CYTH4: variants seen among roughly 807,000 people sequenced by gnomAD.
CYTH4 encodes the protein cytohesin-4.
A neutral mutation model predicts 57.5 loss-of-function variants in CYTH4; 22 were observed. The observed-to-expected ratio is 0.38, with a 90% CI of 0.27 to 0.55. The LOEUF (loss-of-function observed/expected upper bound fraction) is 0.55, where lower values mean the gene tolerates loss of function less well. CYTH4 is among the 20% of genes least tolerant of loss of function. The pLI is 0.74. For synonymous variants in CYTH4, 186 were observed against 206.5 expected, an observed-to-expected ratio of 0.90 and a Z score of 0.85; for missense variants, 420 against 535.6, an observed-to-expected ratio of 0.78 and a Z score of 2.13.
At chr22:37,285,033 C>G (rs1601694377) in intron 1 of CYTH4, among the ~76,000 whole-genome samples, 2 of 152,208 alleles carry the variant, frequency 1.3e-5, no homozygotes, top group Admixed American at 1.3e-4. Flanking sequence ...ACCCACACCC[C>G]CTCTGCCCCA....
intron 1 of CYTH4, among the ~76,000 whole-genome samples, chr22:37,289,956 C>A (rs575956613): frequency 1.4e-4 from 21 of 152,296 alleles, no homozygotes; most frequent in Non-Finnish European, 2.9e-4. Context: ...ACCTGCCATT[C>A]CCCTCAGGAT....
chr22:37,299,263 G>A lies in CYTH4; in HGVS notation c.391G>A (p.Asp131Asn). ...INLQVLQAFV[D>N]CHEFANLNLV... ...CCTGCAGGTCCTCCAGGCCTTCGTG[G>A]ACTGCCACGAGTTCGCCAACCTCAA... The change falls in exon 6 of 13, where the codon GAC becomes AAC. Residue 131 changes from aspartate (D) to asparagine (N), a missense_variant. Asp to Asn is a conservative substitution (Grantham distance 23). Coordinates refer to ENST00000248901, the MANE Select transcript of CYTH4 (RefSeq NM_013385.5). 1.2e-6 allele frequency: 2 copies of A among 1,614,124 alleles called. No individual in the cohort carries two copies. Among genetic ancestry groups the A allele is most frequent in the Non-Finnish European group, 1.7e-6 (2 of 1,180,016 alleles).
In CYTH4 at chr22:37,311,670, C is replaced by T. The variant is rs1929649228; in HGVS notation, c.957+143C>T. Reference sequence around the variant, plus strand: ...CTTCCCTGTGGCTCAGGGCTGCCTTCTCTCCCTCCTGGGGCCATGGACAGT... The same window carrying T: ...CTTCCCTGTGGCTCAGGGCTGCCTTTTCTCCCTCCTGGGGCCATGGACAGT... On this transcript the variant is annotated intron_variant, in intron 11 of 12. Transcript: ENST00000248901. The surrounding 1 kb of genome is among the most constrained non-coding windows in gnomAD (Gnocchi z 4.4). The T allele has an allele frequency of 2.4e-6, 2 of 823,142 alleles. No individual in the cohort carries two copies. The highest frequency in any genetic ancestry group is 3.9e-6 in the Non-Finnish European group (2 of 509,164). The allele number at this position is 823,142 out of a possible 1,614,324, so 51.0% of individuals were successfully genotyped here.
intron 6 of CYTH4, chr22:37,300,402 A>G: frequency 1.7e-6 from 1 of 599,568 alleles, no homozygotes; most frequent in East Asian, 2.9e-5. Flanking sequence ...GAGAAGTGAG[A>G]GATACAGGCC....
rs1929262509 is a variant in CYTH4, at chr22:37,303,357, C to T, written c.651C>T (p.Asn217=). The T allele has an allele frequency of 1.9e-6, 3 of 1,614,170 alleles. No individual in the cohort carries two copies. The highest frequency in any genetic ancestry group is 1.3e-5 in the African/African-American group (1 of 75,060). The change falls in exon 8 of 13, where the codon AAC becomes AAT. Residue 217 remains asparagine, a synonymous_variant. Coordinates refer to ENST00000248901, the MANE Select transcript of CYTH4 (RefSeq NM_013385.5). ...RPPFERFVSM[N]RGINNGSDLP... Reference sequence around the variant, plus strand: ...CTTTTGAGCGCTTTGTGTCCATGAACCGCGGCATCAACAATGGTAGCGACC... The same window carrying T: ...CTTTTGAGCGCTTTGTGTCCATGAATCGCGGCATCAACAATGGTAGCGACC...
At chr22:37,303,549 T>A (rs189647704) in intron 8 of CYTH4, 147 bp downstream of exon 8, 443 of 1,206,174 alleles carry the variant, frequency 3.7e-4, no homozygotes, top group Admixed American at 1.0e-3. Flanking sequence ...TGTGACTGTC[T>A]TGAGAGGCAC....
intron 6 of CYTH4, 97 bp downstream of exon 6, chr22:37,299,403 G>C (rs1367578186): frequency 1.8e-6 from 2 of 1,094,222 alleles, no homozygotes; most frequent in Admixed American, 3.8e-5. Flanking sequence ...ACAAACAAAG[G>C]GTTGGGAGCA....
chr22:37,312,055 C>G lies in CYTH4; in HGVS notation c.993C>G (p.Gly331=), dbSNP rs1052027625. Reference sequence around the variant, plus strand: ...AGCTCTACAACCCTAGCTGCCGAGGCCAGAAAATCAAGGCCTGCAAGACCG... The same window carrying G: ...AGCTCTACAACCCTAGCTGCCGAGGGCAGAAAATCAAGGCCTGCAAGACCG... ...CLELYNPSCR[G]QKIKACKTDG... The change falls in exon 12 of 13, where the codon GGC becomes GGG. Residue 331 remains glycine, a synonymous_variant. Coordinates refer to ENST00000248901, the MANE Select transcript of CYTH4 (RefSeq NM_013385.5). 1 of 1,613,968 alleles carries G rather than the reference C, an allele frequency of 6.2e-7. No individual in the cohort carries two copies. The highest frequency in any genetic ancestry group is 8.5e-7 in the Non-Finnish European group (1 of 1,180,020).
At chr22:37,284,226 TTTCA>T (rs745951038) in intron 1 of CYTH4, among the ~76,000 whole-genome samples, 5 of 152,120 alleles carry the variant, frequency 3.3e-5, no homozygotes, top group Non-Finnish European at 5.9e-5. Flanking sequence ...TAGTTGGTCT[TTTCA>T]TTCATTCACT....
At position 37,282,603 on chromosome 22, in the gene CYTH4, T is replaced by C. The variant is rs1928405964; in HGVS notation, c.19+15T>C. 1 of 1,607,530 alleles carries C rather than the reference T, an allele frequency of 6.2e-7. No homozygotes were observed. Among genetic ancestry groups the C allele is most frequent in the East Asian group, 2.2e-5 (1 of 44,694 alleles). On this transcript the variant is annotated intron_variant, in intron 1 of 12. Transcript: ENST00000248901. ...GTGCCACCCAGGTAAGCAACTGCCG[T>C]CAACCTCTCTGGGCCTCAGGGTGCT...
intron 12 of CYTH4, 135 bp downstream of exon 12, chr22:37,312,309 C>A (rs1569113425): frequency 4.0e-6 from 5 of 1,263,232 alleles, no homozygotes; most frequent in Non-Finnish European, 5.4e-6. Context: ...CAAACCCCTT[C>A]CACCCGTATT....
Position 37,309,244 on chromosome 22 carries a change from C to G in CYTH4, c.729C>G (p.Phe243Leu). Residue 243 changes from phenylalanine (F) to leucine (L), a missense_variant, in exon 9 of 13, where the codon TTC (phenylalanine) becomes TTG (leucine). Transcript: ENST00000248901. ...TCGACAGCATCAAGAGTGAGCCATTCTCCATCCCTGAGGACGACGGCAATG... is the reference window on the plus strand; with the variant it reads ...TCGACAGCATCAAGAGTGAGCCATTGTCCATCCCTGAGGACGACGGCAATG... Reference protein sequence around the residue: ...NLFDSIKSEPFSIPEDDGNDL... With the variant: ...NLFDSIKSEPLSIPEDDGNDL... 1 of 1,614,120 alleles carries G rather than the reference C, an allele frequency of 6.2e-7. No homozygotes were observed. The highest frequency in any genetic ancestry group is 8.5e-7 in the Non-Finnish European group (1 of 1,179,968).
intron 9 of CYTH4, among the ~76,000 whole-genome samples, chr22:37,310,639 G>A (rs1174332973): frequency 1.3e-5 from 2 of 152,212 alleles, no homozygotes; most frequent in Non-Finnish European, 2.9e-5. Flanking sequence ...AATGAAGGAC[G>A]AAATGCTTAG....
rs1210808926 is a variant in CYTH4, at chr22:37,298,770, G to A, written c.354-456G>A. Among the ~76,000 whole-genome samples, 1 of 152,108 alleles carries A rather than the reference G, an allele frequency of 6.6e-6. No homozygotes were observed. Among genetic ancestry groups the A allele is most frequent in the Admixed American group, 6.5e-5 (1 of 15,290 alleles). On this transcript the variant is annotated intron_variant, in intron 5 of 12. Coordinates refer to ENST00000248901, the MANE Select transcript of CYTH4 (RefSeq NM_013385.5). The surrounding 1 kb of genome is among the most constrained non-coding windows in gnomAD (Gnocchi z 4.1). ...GCTCCCAAGGACACCCCTCCCTCCC[G>A]CGGTGAGCAGGGGATGCAGACGGTG...
At position 37,314,522 on chromosome 22, in the gene CYTH4, G is replaced by C; in HGVS notation, c.*1011G>C. On this transcript the variant is annotated 3_prime_UTR_variant, in exon 13 of 13. Coordinates refer to ENST00000248901, the MANE Select transcript of CYTH4 (RefSeq NM_013385.5). ...GAAAGTAACACAGAGCTCATGCTTG[G>C]AGAGAGAGAGTCTTGGCCATGGCTT... is the stretch of plus-strand genomic sequence containing the variant. The C allele has an allele frequency of 2.5e-6, 1 of 397,710 alleles. No homozygotes were observed. Among genetic ancestry groups the C allele is most frequent in the Non-Finnish European group, 4.4e-6 (1 of 225,590 alleles). The allele number at this position is 397,710 out of a possible 1,614,324, so 24.6% of individuals were successfully genotyped here.
intron 2 of CYTH4, 76 bp from the exon 3 acceptor site, chr22:37,294,584 G>T: frequency 6.5e-7 from 1 of 1,539,848 alleles, no homozygotes. Flanking sequence ...GGTAGGAGTG[G>T]TCCTTGTGGT....
intron 1 of CYTH4, among the ~76,000 whole-genome samples, chr22:37,285,914 G>A (rs545718346): frequency 7.0e-4 from 107 of 152,176 alleles, no homozygotes; most frequent in African/African-American, 2.5e-3. Flanking sequence ...CCACCTATTC[G>A]GGACAGGACC....
intron 7 of CYTH4, among the ~76,000 whole-genome samples, chr22:37,301,281 G>A (rs1697143373): frequency 1.3e-5 from 2 of 152,198 alleles, no homozygotes; most frequent in African/African-American, 4.8e-5. Context: ...CTTTCTGAGG[G>A]CAGGAGTAAG....
At chr22:37,296,317 C>T in intron 4 of CYTH4, 1 of 529,444 alleles carries the variant, frequency 1.9e-6, no homozygotes, top group Non-Finnish European at 3.4e-6. Context: ...ATGCACTTGG[C>T]CTAGTCCCTT....
Sources: allele counts gnomAD v4.1 joint callset (sites outside exome capture counted in the v4.1 genomes callset), GRCh38; gene constraint gnomAD v4.1.1; non-coding constraint Gnocchi (gnomAD v3.1); transcripts MANE v1.5; gene names NCBI Gene and HGNC (gene_info 2026-07-23, HGNC 2026-07-21).